Variants in CEP164 observed in about 807,000 individuals in gnomAD.
CEP164 encodes centrosomal protein 164.
CEP164 carries 162 observed loss-of-function variants against 182.7 expected under a neutral mutation model. That is an observed-to-expected ratio of 0.89 (90% CI 0.78 to 1.01). CEP164 has a LOEUF of 1.01. Ranked by LOEUF, CEP164 falls within the 50% of genes least tolerant of loss-of-function variation. The probability of loss-of-function intolerance (pLI) is 0.00; values close to 1 mark genes in which losing one functional copy is unlikely to be tolerated. For missense variants in CEP164, 1,735 were observed against 1,790.4 expected (o/e 0.97, Z 0.56); for synonymous variants, 661 against 690.0 (o/e 0.96, Z 0.66).
chr11:117,334,827 A>G (rs145845069), intron 1 of CEP164, among the ~76,000 whole-genome samples: 1 of 151,936 alleles, frequency 6.6e-6, no homozygotes, highest in East Asian at 1.9e-4. Context: ...CATTATGTAT[A>G]TAGCAAATTA....
chr11:117,379,959 G>A (rs1233538667), intron 11 of CEP164, among the ~76,000 whole-genome samples: 1 of 146,158 alleles, frequency 6.8e-6, no homozygotes, highest in African/African-American at 2.5e-5. Flanking sequence ...GATGGATGAT[G>A]TAATTGCTGA....
At chr11:117,336,665 C>G in intron 2 of CEP164, 1 of 955,498 alleles carries the variant, frequency 1.0e-6, no homozygotes, top group Non-Finnish European at 1.7e-6. Flanking sequence ...TCCACGGCTG[C>G]CTGGGCTTGA....
intron 2 of CEP164, among the ~76,000 whole-genome samples, chr11:117,338,147 T>C (rs976311831): frequency 2.6e-5 from 4 of 152,204 alleles, no homozygotes; most frequent in African/African-American, 9.7e-5. Context: ...AATCGGGACA[T>C]CCAGATGGGC....
rs377629898 is a variant in CEP164, at chr11:117,408,994, C to T, written c.3714C>T (p.Ser1238=). ...SLSSESSESF[S]PPHREWWRQQ... ...GCAGTGAAAGTTCTGAATCTTTTTC[C>T]CCGCCTCACCGTGAGTGGTGGCGGC... The change falls in exon 29 of 33, where the codon TCC becomes TCT. Residue 1238 remains serine (S), a synonymous_variant. Transcript: ENST00000278935. The T allele has an allele frequency of 1.9e-6, 3 of 1,614,040 alleles. No individual in the cohort carries two copies. Among genetic ancestry groups the T allele is most frequent in the East Asian group, 2.2e-5 (1 of 44,864 alleles).
chr11:117,406,408 A>G (rs2046680509), intron 27 of CEP164, among the ~76,000 whole-genome samples: 1 of 152,244 alleles, frequency 6.6e-6, no homozygotes, highest in Non-Finnish European at 1.5e-5. Flanking sequence ...TCCCTCCCAC[A>G]ACACATGGGA....
chr11:117,408,149 TG>T, intron 28 of CEP164, 117 bp downstream of exon 28: 1 of 668,494 alleles, frequency 1.5e-6, no homozygotes, highest in Non-Finnish European at 2.5e-6. Context: ...GGCCCAGGAT[TG>T]GGCAGTAGGC....
At position 117,409,780 on chromosome 11, in the gene CEP164, G is replaced by C. The variant is rs149668786; in HGVS notation, c.3911G>C (p.Arg1304Pro). The C allele has an allele frequency of 6.2e-7, 1 of 1,613,612 alleles. No homozygotes were observed. Among genetic ancestry groups the C allele is most frequent in the East Asian group, 2.2e-5 (1 of 44,850 alleles). Residue 1304 changes from arginine to proline, a missense_variant, in exon 30 of 33, where the codon CGG becomes CCG. Physicochemically the swap from Arg to Pro is moderately radical, Grantham distance 103. Transcript: ENST00000278935. This position sits in a 1 kb window ranked among gnomAD's most constrained non-coding sequence, Gnocchi z 4.4. Reference protein sequence around the residue: ...LASMPAQLPPRDPKSTPTPTY... With the variant: ...LASMPAQLPPPDPKSTPTPTY... Reference sequence around the variant, plus strand: ...TCCATGCCAGCCCAGCTCCCTCCCCGGGACCCTAAGAGCACCCCCACCCCC... The same window carrying C: ...TCCATGCCAGCCCAGCTCCCTCCCCCGGACCCTAAGAGCACCCCCACCCCC...
chr11:117,328,841 A>G (rs2035744029), intron 1 of CEP164, among the ~76,000 whole-genome samples: 1 of 152,208 alleles, frequency 6.6e-6, no homozygotes, highest in Admixed American at 6.5e-5. Context: ...AGGCATAGAA[A>G]TGAACACATC....
In CEP164 at chr11:117,409,585, G is replaced by A; in HGVS notation, c.3749-33G>A. ...GAATGGTCCAGGGTCCTGAGCTTGAGTCCCTTCCCACCATCCACCTCTTTT... is the reference window on the plus strand; with the variant it reads ...GAATGGTCCAGGGTCCTGAGCTTGAATCCCTTCCCACCATCCACCTCTTTT... On this transcript the variant is annotated intron_variant, in intron 29 of 32. Transcript: ENST00000278935. This position sits in a 1 kb window ranked among gnomAD's most constrained non-coding sequence, Gnocchi z 4.4. 1 of 1,569,756 alleles carries A rather than the reference G, an allele frequency of 6.4e-7. No individual in the cohort carries two copies. The highest frequency in any genetic ancestry group is 8.7e-7 in the Non-Finnish European group (1 of 1,152,832).
Position 117,387,350 on chromosome 11 carries a change from G to T in CEP164, c.1872G>T (p.Lys624Asn). Residue 624 changes from lysine to asparagine, a missense_variant, in exon 15 of 33, where the codon AAG (lysine) becomes AAT (asparagine). Coordinates refer to ENST00000278935, the MANE Select transcript of CEP164 (RefSeq NM_014956.5). The stretch of plus-strand genomic sequence containing the variant: ...AGAAGATGCAGCAACTGCGGGAGAA[G>T]CTGTGCCAAGAGGAGGAAGAGGAGA... ...KQEKMQQLRE[K>N]LCQEEEEEIL... is the part of the protein sequence containing the mutation. 3 of 1,614,218 alleles carry T rather than the reference G, an allele frequency of 1.9e-6. No individual in the cohort carries two copies. The highest frequency in any genetic ancestry group is 1.6e-4 in the Middle Eastern group (1 of 6,062).
chr11:117,357,319 G>T (rs1045727891), intron 5 of CEP164, among the ~76,000 whole-genome samples: 3 of 152,078 alleles, frequency 2.0e-5, no homozygotes, highest in African/African-American at 7.2e-5. Context: ...ATGTTGGCCA[G>T]GCTGGTCTCG....
chr11:117,382,713 C>A, intron 13 of CEP164, 83 bp from the exon 14 acceptor site: 1 of 1,501,696 alleles, frequency 6.7e-7, no homozygotes, highest in Non-Finnish European at 9.0e-7. Context: ...TCTGTCATAG[C>A]TCTTTGACCC....
In CEP164 at chr11:117,381,714, C is replaced by T; in HGVS notation, c.1423C>T (p.Leu475Phe). Residue 475 changes from leucine to phenylalanine, a missense_variant, in exon 13 of 33, where the codon CTT becomes TTT. Physicochemically the swap from Leu to Phe is conservative, Grantham distance 22. Coordinates refer to ENST00000278935, the MANE Select transcript of CEP164 (RefSeq NM_014956.5). ...KGLEERLSPP[L>F]PHEERAQSPP... ...CGGCCTGACCAGGTTATCTCCTCCA[C>T]TTCCACACGAGGAGCGGGCCCAGAG... is the stretch of plus-strand genomic sequence containing the variant. 1 of 1,609,838 alleles carries T rather than the reference C, an allele frequency of 6.2e-7. No individual in the cohort carries two copies. The highest frequency in any genetic ancestry group is 8.5e-7 in the Non-Finnish European group (1 of 1,178,362).
At chr11:117,359,472 T>C in intron 5 of CEP164, 1 of 985,436 alleles carries the variant, frequency 1.0e-6, no homozygotes, top group Non-Finnish European at 1.2e-6. Flanking sequence ...GGAGTGTCTC[T>C]CACCTTACTT....
intron 7 of CEP164, 74 bp downstream of exon 7, chr11:117,362,612 G>C: frequency 2.0e-6 from 3 of 1,514,610 alleles, no homozygotes; most frequent in Non-Finnish European, 2.7e-6. Flanking sequence ...TGTTTTTGCT[G>C]TGATAGAAAA....
At chr11:117,389,484 A>G (rs954342679) in intron 15 of CEP164, among the ~76,000 whole-genome samples, 3 of 152,250 alleles carry the variant, frequency 2.0e-5, no homozygotes, top group Non-Finnish European at 4.4e-5. Flanking sequence ...ATTTTAAGAC[A>G]AGATTCTTTC....
chr11:117,388,009 G>A (rs1262069031), intron 15 of CEP164, among the ~76,000 whole-genome samples: 1 of 152,200 alleles, frequency 6.6e-6, no homozygotes, highest in Non-Finnish European at 1.5e-5. Context: ...TCCTCCACCA[G>A]GGAGCATCCC....
intron 14 of CEP164, chr11:117,386,387 G>A (rs2043959760): frequency 6.6e-6 from 1 of 152,192 alleles, no homozygotes; most frequent in Non-Finnish European, 1.5e-5. Context: ...CAGAAAACAA[G>A]CAAAATAACA....
chr11:117,355,586 G>A (rs770324860), intron 5 of CEP164: 24 of 1,210,492 alleles, frequency 2.0e-5, no homozygotes, highest in Non-Finnish European at 2.4e-5. Context: ...TTGTTCTTCC[G>A]GCCACATGTT....
Sources: allele counts gnomAD v4.1 joint callset (sites outside exome capture counted in the v4.1 genomes callset), GRCh38; gene constraint gnomAD v4.1.1; non-coding constraint Gnocchi (gnomAD v3.1); transcripts MANE v1.5; gene names NCBI Gene and HGNC (gene_info 2026-07-23, HGNC 2026-07-21).